The following HS6ST3 variants were observed in gnomAD, a reference collection of about 807,000 sequenced individuals.
HS6ST3 encodes heparan sulfate 6-O-sulfotransferase 3, also known as heparan-sulfate 6-O-sulfotransferase 3.
Under a neutral mutation model 36.7 loss-of-function variants are expected in HS6ST3, and 12 were observed. That is an observed-to-expected ratio of 0.33 (90% confidence interval 0.21 to 0.53). The LOEUF is 0.53. Among genes scored for constraint, HS6ST3 ranks in the 20% least tolerant of loss-of-function variants. The pLI, the probability that HS6ST3 is intolerant of heterozygous loss-of-function variation, is 0.95. For missense variants in HS6ST3, 584 were observed against 640.9 expected, an observed-to-expected ratio of 0.91 and a Z score of 0.96; for synonymous variants, 240 against 257.5, an observed-to-expected ratio of 0.93 and a Z score of 0.65.
chr13:96,506,105 G>A (rs1425757770), intron 1 of HS6ST3, among the ~76,000 whole-genome samples: 1 of 152,048 alleles, frequency 6.6e-6, no homozygotes, highest in Non-Finnish European at 1.5e-5. Flanking sequence ...AAATAATGCA[G>A]GGATTTTTTT....
At chr13:96,556,095 C>T (rs1246615596) in intron 1 of HS6ST3, among the ~76,000 whole-genome samples, 3 of 152,118 alleles carry the variant, frequency 2.0e-5, no homozygotes, top group Non-Finnish European at 4.4e-5. Context: ...CAAGGTGGCC[C>T]TAAGCTTTAG....
Position 96,636,707 on chromosome 13 carries a change from A to G in HS6ST3, c.708-195783A>G, listed in dbSNP as rs566056439. ...GAAACTCAGAATATGGAATTGACATAAATCTAATGAAGTAAAAGCTCTCTC... is the reference window on the plus strand; with the variant it reads ...GAAACTCAGAATATGGAATTGACATGAATCTAATGAAGTAAAAGCTCTCTC... On this transcript the variant is annotated intron_variant, in intron 1 of 1. Transcript: ENST00000376705. Among the ~76,000 whole-genome samples, 6 of 152,306 alleles carry G rather than the reference A, an allele frequency of 3.9e-5. No homozygotes were observed. In the East Asian group the frequency reaches 5.8e-4, roughly 15 times the overall value.
At chr13:96,450,756 A>C (rs1166449511) in intron 1 of HS6ST3, among the ~76,000 whole-genome samples, 1 of 152,250 alleles carries the variant, frequency 6.6e-6, no homozygotes, top group Non-Finnish European at 1.5e-5. Context: ...GTCCCTGCTC[A>C]TTATGAAATA....
intron 1 of HS6ST3, among the ~76,000 whole-genome samples, chr13:96,584,111 G>A (rs138093447): frequency 6.6e-6 from 1 of 152,192 alleles, no homozygotes; most frequent in Non-Finnish European, 1.5e-5. Flanking sequence ...TTCTATTTGA[G>A]TTTGTTACTT....
At chr13:96,146,152 C>T (rs2054057160) in intron 1 of HS6ST3, among the ~76,000 whole-genome samples, 1 of 152,058 alleles carries the variant, frequency 6.6e-6, no homozygotes, top group African/African-American at 2.4e-5. Context: ...TTTTTGGTTC[C>T]ATATGAACTT....
intron 1 of HS6ST3, among the ~76,000 whole-genome samples, chr13:96,309,587 G>T (rs971606528): frequency 2.6e-5 from 4 of 152,100 alleles, no homozygotes; most frequent in Admixed American, 6.5e-5. Flanking sequence ...AATGTTGCTT[G>T]CATGTGCATT....
chr13:96,520,999 T>C (rs2138927022), intron 1 of HS6ST3, among the ~76,000 whole-genome samples: 1 of 152,316 alleles, frequency 6.6e-6, no homozygotes, highest in African/African-American at 2.4e-5. Flanking sequence ...TATATAACTC[T>C]TATTTAAATT....
At chr13:96,552,344 C>G (rs1420276230) in intron 1 of HS6ST3, among the ~76,000 whole-genome samples, 1 of 152,184 alleles carries the variant, frequency 6.6e-6, no homozygotes, top group African/African-American at 2.4e-5. Context: ...AAGATCAACA[C>G]AGGGGCAGCT....
intron 1 of HS6ST3, among the ~76,000 whole-genome samples, chr13:96,120,536 CAT>C (rs1235673242): frequency 6.6e-6 from 1 of 152,144 alleles, no homozygotes; most frequent in African/African-American, 2.4e-5. Context: ...TCCTATACAT[CAT>C]AGAGTTAAAA....
rs909129137 is a variant in HS6ST3 at position 96,267,373 on chromosome 13, A to C, written c.707+175804A>C. Among the ~76,000 whole-genome samples the C allele has an allele frequency of 9.2e-5, 14 of 152,298 alleles. No individual in the cohort carries two copies. In the East Asian group the frequency reaches 2.1e-3, roughly 23 times the overall value. On this transcript the variant is annotated intron_variant, in intron 1 of 1. Transcript: ENST00000376705. ...CAGGTTTCTTCTTCTAATTGTATTT[A>C]ACCATTCTAAATCTTTTAGAATTTA...
At chr13:96,777,254 T>C (rs750053375) in intron 1 of HS6ST3, among the ~76,000 whole-genome samples, 2 of 152,210 alleles carry the variant, frequency 1.3e-5, no homozygotes, top group African/African-American at 4.8e-5. Flanking sequence ...GGGCAAAAGC[T>C]GGAAGCATTC....
At chr13:96,651,054 T>C (rs2056605611) in intron 1 of HS6ST3, among the ~76,000 whole-genome samples, 2 of 152,088 alleles carry the variant, frequency 1.3e-5, no homozygotes, top group African/African-American at 2.4e-5. Flanking sequence ...AATACCTCCC[T>C]ATTGGCTACT....
chr13:96,407,146 T>A (rs535824292), intron 1 of HS6ST3, among the ~76,000 whole-genome samples: 2 of 152,324 alleles, frequency 1.3e-5, no homozygotes, highest in South Asian at 4.1e-4. Context: ...AATGCAATGA[T>A]CTGTTAATGT....
intron 1 of HS6ST3, among the ~76,000 whole-genome samples, chr13:96,702,541 A>G (rs1174454447): frequency 6.6e-6 from 1 of 152,232 alleles, no homozygotes; most frequent in East Asian, 1.9e-4. Flanking sequence ...TCCAGAGTAC[A>G]GTGCGGATCA....
At chr13:96,331,855 C>T (rs978345230) in intron 1 of HS6ST3, among the ~76,000 whole-genome samples, 4 of 152,170 alleles carry the variant, frequency 2.6e-5, no homozygotes, top group Admixed American at 6.5e-5. Flanking sequence ...CAGGACCCTC[C>T]GAGCCAGGTG....
intron 1 of HS6ST3, among the ~76,000 whole-genome samples, chr13:96,659,144 A>G (rs1362142936): frequency 6.6e-6 from 1 of 152,236 alleles, no homozygotes; most frequent in East Asian, 1.9e-4. Context: ...TTAGCAAGAT[A>G]TGAATGGTCC....
At chr13:96,816,330 G>A (rs547038414) in intron 1 of HS6ST3, among the ~76,000 whole-genome samples, 2 of 152,280 alleles carry the variant, frequency 1.3e-5, no homozygotes, top group South Asian at 4.1e-4. Flanking sequence ...AAACTTGAGG[G>A]TACCAGTGAC....
intron 1 of HS6ST3, among the ~76,000 whole-genome samples, chr13:96,414,200 A>T (rs1334948072): frequency 6.6e-6 from 1 of 152,224 alleles, no homozygotes; most frequent in Non-Finnish European, 1.5e-5. Flanking sequence ...TTTTAAAAGA[A>T]TAAAAATTTC....
In HS6ST3 at chr13:96,369,695, G is replaced by A. The variant is rs143731380; in HGVS notation, c.707+278126G>A. Among the ~76,000 whole-genome samples the A allele has an allele frequency of 1.3e-4, 20 of 152,184 alleles. 1 individual carries two copies. Among genetic ancestry groups the A allele is most frequent in the South Asian group, 1.2e-3 (6 of 4,818 alleles). ...GACACCTCTTCAGGGTGATTTCTTG[G>A]GCTTTGCTGCACATCAATCAGTACA... On this transcript the variant is annotated intron_variant, in intron 1 of 1. Transcript: ENST00000376705.
Sources: gnomAD v4.1 joint callset for allele counts (sites outside exome capture counted in the v4.1 genomes callset) on GRCh38, gnomAD v4.1.1 for gene constraint, MANE v1.5 for transcripts, NCBI Gene and HGNC (gene_info 2026-07-23, HGNC 2026-07-21) for gene names.